WWOX: variants seen among roughly 807,000 people sequenced by gnomAD.
WWOX encodes the protein WW domain-containing oxidoreductase.
Under a neutral mutation model 46.2 loss-of-function variants are expected in WWOX, and 69 were observed. The ratio of observed to expected loss-of-function variants is 1.49; its 90% confidence interval spans 1.23 to 1.82. WWOX has a LOEUF of 1.82. Ranked by LOEUF, WWOX falls within the 40% of genes most tolerant of loss-of-function variation. The pLI, the probability that WWOX is intolerant of heterozygous loss-of-function variation, is 0.00. For missense variants in WWOX, 919 were observed against 542.6 expected (o/e 1.69, Z -6.89); for synonymous variants, 359 against 202.6 (o/e 1.77, Z -6.56).
At chr16:78,845,898 C>A (rs1214696937) in intron 8 of WWOX, among the ~76,000 whole-genome samples, 2 of 152,142 alleles carry the variant, frequency 1.3e-5, no homozygotes, top group Non-Finnish European at 2.9e-5. Context: ...TCATTTTCCC[C>A]ATTTAAGGTA....
intron 8 of WWOX, among the ~76,000 whole-genome samples, chr16:78,520,622 G>A (rs553467333): frequency 1.3e-5 from 2 of 152,040 alleles, no homozygotes; most frequent in Non-Finnish European, 2.9e-5. Flanking sequence ...GACTGGGAGT[G>A]GGGTGGGGTG....
chr16:78,804,873 T>C (rs1313571941), intron 8 of WWOX, among the ~76,000 whole-genome samples: 2 of 152,234 alleles, frequency 1.3e-5, no homozygotes, highest in Non-Finnish European at 2.9e-5. Context: ...ATGACAGTAT[T>C]ACGGGTTTTA....
chr16:78,575,608 A>G (rs1436963922), intron 8 of WWOX, among the ~76,000 whole-genome samples: 3 of 152,170 alleles, frequency 2.0e-5, no homozygotes, highest in Admixed American at 1.3e-4. Flanking sequence ...CATTTGACGC[A>G]TATTTAATAA....
intron 8 of WWOX, among the ~76,000 whole-genome samples, chr16:79,098,173 A>C (rs2049115415): frequency 1.3e-5 from 2 of 152,214 alleles, no homozygotes; most frequent in South Asian, 2.1e-4. Context: ...GCTTGAAAAC[A>C]CACAGATGCC....
At chr16:78,845,324 T>G (rs2052270768) in intron 8 of WWOX, among the ~76,000 whole-genome samples, 2 of 152,170 alleles carry the variant, frequency 1.3e-5, no homozygotes, top group South Asian at 2.1e-4. Context: ...TTCCAGCCTT[T>G]CCTCCTATCT....
At chr16:79,018,158 C>G (rs59107319) in intron 8 of WWOX, among the ~76,000 whole-genome samples, 5 of 152,078 alleles carry the variant, frequency 3.3e-5, no homozygotes, top group African/African-American at 1.2e-4. Context: ...CGGTTAAACA[C>G]GGTACTGAAA....
chr16:78,389,633 G>A (rs539074175), intron 6 of WWOX, among the ~76,000 whole-genome samples: 1 of 152,332 alleles, frequency 6.6e-6, no homozygotes, highest in South Asian at 2.1e-4. Flanking sequence ...TAAGGAAAGT[G>A]AGGCTAGAGA....
At chr16:78,508,392 C>T (rs1297554675) in intron 8 of WWOX, among the ~76,000 whole-genome samples, 1 of 142,078 alleles carries the variant, frequency 7.0e-6, no homozygotes, top group Non-Finnish European at 1.5e-5. Context: ...TGGCCGAAGA[C>T]AATTCTTCCT....
intron 8 of WWOX, among the ~76,000 whole-genome samples, chr16:78,505,517 C>T (rs7190317): frequency 6.6e-6 from 1 of 152,084 alleles, no homozygotes; most frequent in Non-Finnish European, 1.5e-5. Flanking sequence ...GGAGACTGTT[C>T]AAGCACTGGA....
chr16:78,129,442 G>A (rs2033500827), intron 4 of WWOX, among the ~76,000 whole-genome samples: 1 of 152,176 alleles, frequency 6.6e-6, no homozygotes, highest in Admixed American at 6.5e-5. Context: ...AAGTATTTGT[G>A]TATCTAAACA....
At chr16:78,954,187 T>C (rs1450707309) in intron 8 of WWOX, among the ~76,000 whole-genome samples, 1 of 151,986 alleles carries the variant, frequency 6.6e-6, no homozygotes, top group East Asian at 1.9e-4. Flanking sequence ...GATGGATGGG[T>C]GGATGGATGG....
chr16:78,226,732 T>G (rs1433847076), intron 5 of WWOX, among the ~76,000 whole-genome samples: 1 of 152,252 alleles, frequency 6.6e-6, no homozygotes, highest in East Asian at 1.9e-4. Context: ...CCGGCATGGC[T>G]ATGCTGTGGT....
chr16:78,630,379 T>G (rs988893586), intron 8 of WWOX, among the ~76,000 whole-genome samples: 2 of 152,142 alleles, frequency 1.3e-5, no homozygotes, highest in African/African-American at 4.8e-5. Context: ...TCTAGACTGC[T>G]TGTACCAAAA....
At chr16:78,480,230 A>T (rs1336247449) in intron 8 of WWOX, among the ~76,000 whole-genome samples, 2 of 152,240 alleles carry the variant, frequency 1.3e-5, no homozygotes, top group Non-Finnish European at 2.9e-5. Flanking sequence ...GTTATTGGCT[A>T]CCATATTGGG....
At chr16:78,960,680 G>A (rs1567440022) in intron 8 of WWOX, among the ~76,000 whole-genome samples, 1 of 152,162 alleles carries the variant, frequency 6.6e-6, no homozygotes, top group Non-Finnish European at 1.5e-5. Context: ...GGGACAATAG[G>A]TCCCTGTGCC....
At chr16:79,190,690 T>C (rs901483738) in intron 8 of WWOX, among the ~76,000 whole-genome samples, 2 of 152,232 alleles carry the variant, frequency 1.3e-5, no homozygotes, top group Non-Finnish European at 2.9e-5. Flanking sequence ...CTCTGCCAAC[T>C]ACAGTTCATG....
In WWOX at chr16:79,211,822, C is replaced by A. The variant is rs751398642; in HGVS notation, c.*26C>A. 6.2e-7 allele frequency: 1 copy of A among 1,613,490 alleles called. No homozygotes were observed. The highest frequency in any genetic ancestry group is 8.5e-7 in the Non-Finnish European group (1 of 1,179,886). On this transcript the variant is annotated 3_prime_UTR_variant, in exon 9 of 9. Transcript: ENST00000566780. ...GTGGAGCTCAGAGCGGATGGGCACA[C>A]ACACCCGCCCTGTGTGTGTCCCCTC...
At chr16:78,473,866 A>G (rs1484754669) in intron 8 of WWOX, among the ~76,000 whole-genome samples, 2 of 152,186 alleles carry the variant, frequency 1.3e-5, no homozygotes, top group Non-Finnish European at 2.9e-5. Flanking sequence ...CTTGCAGCAC[A>G]CACGCTGCCA....
chr16:78,559,905 A>C (rs1190281223), intron 8 of WWOX, among the ~76,000 whole-genome samples: 3 of 152,124 alleles, frequency 2.0e-5, no homozygotes, highest in Admixed American at 2.0e-4. Flanking sequence ...TTGGCTTACA[A>C]TCCGTTGCAG....
Sources: gnomAD v4.1 joint callset for allele counts (sites outside exome capture counted in the v4.1 genomes callset) on GRCh38, gnomAD v4.1.1 for gene constraint, MANE v1.5 for transcripts, NCBI Gene and HGNC (gene_info 2026-07-23, HGNC 2026-07-21) for gene names.